Variants in EYA4 observed in about 807,000 individuals in gnomAD.
The protein encoded by EYA4 is EYA transcriptional coactivator and phosphatase 4.
Under a neutral mutation model 87.9 loss-of-function variants are expected in EYA4, and 31 were observed. The ratio of observed to expected loss-of-function variants is 0.35; its 90% CI spans 0.27 to 0.48. The LOEUF is 0.48. Among genes scored for constraint, EYA4 ranks in the 20% least tolerant of loss-of-function variants. EYA4 has a pLI of 0.99. For synonymous variants in EYA4, 263 were observed against 270.6 expected, an observed-to-expected ratio of 0.97 and a Z score of 0.28; for missense variants, 678 against 761.4, an observed-to-expected ratio of 0.89 and a Z score of 1.29.
chr6:133,401,905 A>G (rs1788297390), intron 3 of EYA4, among the ~76,000 whole-genome samples: 2 of 152,178 alleles, frequency 1.3e-5, no homozygotes, highest in Admixed American at 1.3e-4. Context: ...CAGAAACTCA[A>G]TATTTTAGTA....
At chr6:133,518,354 A>G (rs1799784154) in intron 17 of EYA4, among the ~76,000 whole-genome samples, 1 of 152,172 alleles carries the variant, frequency 6.6e-6, no homozygotes, top group Non-Finnish European at 1.5e-5. Context: ...AGAAATCAAC[A>G]TACATTGAGT....
chr6:133,385,143 C>CA (rs1485796677), intron 3 of EYA4, among the ~76,000 whole-genome samples: 18 of 151,296 alleles, frequency 1.2e-4, no homozygotes, highest in Non-Finnish European at 2.7e-4. Flanking sequence ...ACTAAAAAAA[C>CA]AAAAAATTAG....
chr6:133,423,334 G>A (rs1348320271), intron 3 of EYA4, among the ~76,000 whole-genome samples: 1 of 152,130 alleles, frequency 6.6e-6, no homozygotes, highest in Non-Finnish European at 1.5e-5. Flanking sequence ...TAGTAGTAGT[G>A]TAAACACATT....
intron 3 of EYA4, among the ~76,000 whole-genome samples, chr6:133,434,052 G>T (rs1791422815): frequency 6.6e-6 from 1 of 152,176 alleles, no homozygotes; most frequent in African/African-American, 2.4e-5. Flanking sequence ...GTGTGACTAT[G>T]GGGACCACTG....
At chr6:133,449,889 A>G (rs1793251166) in intron 5 of EYA4, among the ~76,000 whole-genome samples, 1 of 152,232 alleles carries the variant, frequency 6.6e-6, no homozygotes, top group Non-Finnish European at 1.5e-5. Flanking sequence ...AAACTGGGCT[A>G]AAGAAAGCAA....
chr6:133,484,103 T>G (rs564413077), intron 13 of EYA4, among the ~76,000 whole-genome samples: 1 of 152,314 alleles, frequency 6.6e-6, no homozygotes, highest in South Asian at 2.1e-4. Flanking sequence ...GATGCAACTC[T>G]GAAAGGCTTT....
chr6:133,288,242 T>G (rs1006049452), intron 2 of EYA4, among the ~76,000 whole-genome samples: 2 of 152,196 alleles, frequency 1.3e-5, no homozygotes, highest in African/African-American at 2.4e-5. Context: ...AAAATTTTAT[T>G]TACAAAAGCA....
At position 133,466,976 on chromosome 6, in the gene EYA4, AAC is replaced by A. The variant is rs1466581833; in HGVS notation, c.805-1589_805-1588del. Among the ~76,000 whole-genome samples the A allele has an allele frequency of 4.6e-5, 7 of 152,106 alleles. No homozygotes were observed. The East Asian group carries it at 1.2e-3, about 25-fold the overall frequency. ...CATTTAATTTATGTTTTGAGACGAT[AAC>A]TCTGCCACCAAGGTCTTTGGAGAAA... On this transcript the variant is annotated intron_variant, in intron 10 of 19. Coordinates refer to ENST00000355286, the MANE Select transcript of EYA4 (RefSeq NM_004100.5).
chr6:133,468,775 A>G (rs1281018558), intron 11 of EYA4, 44 bp downstream of exon 11: 1 of 1,597,864 alleles, frequency 6.3e-7, no homozygotes, highest in Admixed American at 1.7e-5. Context: ...ATGTTTTGCA[A>G]TATCTAATAA....
At chr6:133,330,367 A>G (rs539627132) in intron 2 of EYA4, among the ~76,000 whole-genome samples, 49 of 152,178 alleles carry the variant, frequency 3.2e-4, no homozygotes, top group Admixed American at 2.3e-3. Flanking sequence ...TTGCTCTGTA[A>G]TTATAAATTA....
chr6:133,418,254 G>C (rs1462324179), intron 3 of EYA4, among the ~76,000 whole-genome samples: 1 of 152,174 alleles, frequency 6.6e-6, no homozygotes, highest in Non-Finnish European at 1.5e-5. Context: ...TGCATCCTAG[G>C]AGTTTGTGCA....
Position 133,530,245 on chromosome 6 carries a change from C to A in EYA4, c.*1440C>A, listed in dbSNP as rs1251468796. The A allele has an allele frequency of 2.1e-5, 21 of 985,210 alleles. No individual in the cohort carries two copies. The highest frequency in any genetic ancestry group is 2.3e-5 in the Non-Finnish European group (19 of 829,860). The allele number at this position is 985,210 out of a possible 1,614,324, so 61.0% of individuals were successfully genotyped here. A position where few individuals can be genotyped will look rare whatever the true frequency, so the allele number is the denominator to read the frequency against. Reference sequence around the variant, plus strand: ...CAATGCAGGTTCTCCTCGTAACAGACTTGCATATGTTTGTTAGTTTCTGCC... The same window carrying A: ...CAATGCAGGTTCTCCTCGTAACAGAATTGCATATGTTTGTTAGTTTCTGCC... On this transcript the variant is annotated 3_prime_UTR_variant, in exon 20 of 20. Transcript: ENST00000355286.
At chr6:133,266,023 G>A (rs900938368) in intron 1 of EYA4, among the ~76,000 whole-genome samples, 2 of 152,068 alleles carry the variant, frequency 1.3e-5, no homozygotes, top group South Asian at 2.1e-4. Flanking sequence ...CTTTGATGAC[G>A]TCTTAAAAAT....
chr6:133,347,840 T>C (rs1005753732), intron 2 of EYA4, among the ~76,000 whole-genome samples: 40 of 152,282 alleles, frequency 2.6e-4, no homozygotes, highest in African/African-American at 9.4e-4. Context: ...TCAAACTTAA[T>C]TGGGGCTTCT....
At chr6:133,519,296 A>G (rs1042877538) in intron 17 of EYA4, among the ~76,000 whole-genome samples, 4 of 151,986 alleles carry the variant, frequency 2.6e-5, no homozygotes, top group African/African-American at 9.7e-5. Flanking sequence ...TAGACGCAAT[A>G]AAAAATGATA....
intron 13 of EYA4, among the ~76,000 whole-genome samples, chr6:133,485,965 G>A (rs1025065864): frequency 1.3e-5 from 2 of 152,174 alleles, no homozygotes; most frequent in African/African-American, 2.4e-5. Flanking sequence ...ACTTAAGTTC[G>A]AAAATCGAGT....
intron 1 of EYA4, among the ~76,000 whole-genome samples, chr6:133,243,586 A>C (rs956825904): frequency 6.7e-6 from 1 of 150,292 alleles, no homozygotes; most frequent in Non-Finnish European, 1.5e-5. Context: ...TGTTTTTAAA[A>C]CCTTAGGGAA....
At chr6:133,395,840 G>A (rs957321311) in intron 3 of EYA4, among the ~76,000 whole-genome samples, 6 of 152,160 alleles carry the variant, frequency 3.9e-5, no homozygotes, top group African/African-American at 1.4e-4. Flanking sequence ...ACCCCATGTA[G>A]AGTCCCAGTT....
intron 2 of EYA4, among the ~76,000 whole-genome samples, chr6:133,324,970 GCACAATCTCGGTT>G (rs1298894993): frequency 1.6e-4 from 23 of 143,238 alleles, no homozygotes; most frequent in African/African-American, 5.6e-4. Flanking sequence ...GAGTGCAGTG[GCACAATCTCGGTT>G]CACTGCAAGC....
Sources: gnomAD v4.1 joint callset for allele counts (sites outside exome capture counted in the v4.1 genomes callset) on GRCh38, gnomAD v4.1.1 for gene constraint, MANE v1.5 for transcripts, NCBI Gene and HGNC (gene_info 2026-07-23, HGNC 2026-07-21) for gene names.